BMERB1: variants seen among roughly 807,000 people sequenced by gnomAD.
The protein encoded by BMERB1 is bMERB domain-containing protein 1.
A neutral mutation model predicts 23.6 loss-of-function variants in BMERB1; 12 were observed. The observed-to-expected ratio is 0.51, with a 90% CI of 0.33 to 0.82. BMERB1 has a LOEUF of 0.82. BMERB1 is among the 40% of genes least tolerant of loss of function. BMERB1 has a pLI of 0.03. For synonymous variants in BMERB1, 122 were observed against 96.6 expected, an observed-to-expected ratio of 1.26 and a Z score of -1.54; for missense variants, 247 against 255.4, an observed-to-expected ratio of 0.97 and a Z score of 0.22.
At chr16:15,491,573 A>G (rs547219037) in intron 1 of BMERB1, among the ~76,000 whole-genome samples, 1 of 152,326 alleles carries the variant, frequency 6.6e-6, no homozygotes, top group African/African-American at 2.4e-5. Context: ...TAGGCCGGGC[A>G]TCATGGGGCC....
At chr16:15,554,480 A>T (rs1408882729) in intron 2 of BMERB1, among the ~76,000 whole-genome samples, 2 of 152,028 alleles carry the variant, frequency 1.3e-5, no homozygotes, top group Non-Finnish European at 2.9e-5. Flanking sequence ...GTGAGACCAT[A>T]TTTATGTAAT....
rs953542011 is a variant in BMERB1, at chr16:15,537,799, A to G, written c.230+22371A>G. Among the ~76,000 whole-genome samples the G allele has an allele frequency of 3.3e-5, 5 of 151,926 alleles. No homozygotes were observed. In the East Asian group the frequency reaches 7.7e-4, roughly 23 times the overall value. On this transcript the variant is annotated intron_variant, in intron 2 of 5. Transcript: ENST00000300006. Reference sequence around the variant, plus strand: ...CAGCCCCTTGAGTAGTGGGGACTATAGGCACATGCCACCATGCCTGGCCAA... The same window carrying G: ...CAGCCCCTTGAGTAGTGGGGACTATGGGCACATGCCACCATGCCTGGCCAA...
intron 1 of BMERB1, among the ~76,000 whole-genome samples, chr16:15,443,259 A>G (rs2050956853): frequency 6.6e-6 from 1 of 150,920 alleles, no homozygotes; most frequent in South Asian, 2.1e-4. Flanking sequence ...TGTCTCAAAA[A>G]AAAACACCAC....
At chr16:15,482,884 G>A (rs943323496) in intron 1 of BMERB1, among the ~76,000 whole-genome samples, 2 of 151,966 alleles carry the variant, frequency 1.3e-5, no homozygotes, top group African/African-American at 4.8e-5. Context: ...TAGTGTTTCT[G>A]ACCATTCAGT....
intron 1 of BMERB1, among the ~76,000 whole-genome samples, chr16:15,489,413 G>T (rs1293331791): frequency 1.3e-5 from 2 of 152,076 alleles, no homozygotes; most frequent in African/African-American, 4.8e-5. Context: ...TGGAGAAATT[G>T]CTGTTCCTCC....
chr16:15,568,663 T>A (rs751304782), intron 3 of BMERB1, among the ~76,000 whole-genome samples: 5 of 151,968 alleles, frequency 3.3e-5, no homozygotes, highest in Non-Finnish European at 7.4e-5. Context: ...TAAATTAAAT[T>A]AAATATCATA....
intron 2 of BMERB1, among the ~76,000 whole-genome samples, chr16:15,549,466 G>A (rs1346298574): frequency 6.6e-6 from 1 of 152,046 alleles, no homozygotes; most frequent in Non-Finnish European, 1.5e-5. Flanking sequence ...GGATCACTAG[G>A]TCAAGAGATG....
intron 5 of BMERB1, among the ~76,000 whole-genome samples, 164 bp from the exon 6 acceptor site, chr16:15,586,553 A>G (rs2031148162): frequency 6.6e-6 from 1 of 152,208 alleles, no homozygotes; most frequent in Admixed American, 6.5e-5. Flanking sequence ...TGAGGATCAT[A>G]TGAAATGTGC....
At chr16:15,566,529 C>CA (rs1340513369) in intron 2 of BMERB1, among the ~76,000 whole-genome samples, 7 of 152,288 alleles carry the variant, frequency 4.6e-5, no homozygotes, top group Non-Finnish European at 1.0e-4. Flanking sequence ...TGCAGTGGCT[C>CA]ACGCCTGTAA....
In BMERB1 at chr16:15,434,897, G is replaced by C. The variant is rs997101818; in HGVS notation, c.106+138G>C. The C allele has an allele frequency of 7.1e-6, 5 of 703,422 alleles. No homozygotes were observed. The South Asian group carries it at 9.5e-5, about 13-fold the overall frequency. The allele number at this position is 703,422 out of a possible 1,614,324, so 43.6% of individuals were successfully genotyped here. ...CGCAGCGGGGCTGGCAGCTCAGGGG[G>C]ATACGCAGCTCTGCGCAGCGACGCG... is the stretch of plus-strand genomic sequence containing the variant. On this transcript the variant is annotated intron_variant, in intron 1 of 5. Transcript: ENST00000300006.
intron 1 of BMERB1, among the ~76,000 whole-genome samples, chr16:15,488,498 C>A (rs1442003536): frequency 6.6e-6 from 1 of 151,904 alleles, no homozygotes; most frequent in Non-Finnish European, 1.5e-5. Flanking sequence ...TGCATGTTGA[C>A]CCCCTGCTGC....
At chr16:15,575,620 C>G (rs2030838938) in intron 3 of BMERB1, among the ~76,000 whole-genome samples, 2 of 152,026 alleles carry the variant, frequency 1.3e-5, no homozygotes, top group Non-Finnish European at 2.9e-5. Flanking sequence ...AATGAAGCAA[C>G]AAAAGCAGAA....
At chr16:15,458,910 G>C in intron 1 of BMERB1, among the ~76,000 whole-genome samples, 1 of 152,024 alleles carries the variant, frequency 6.6e-6, no homozygotes, top group East Asian at 1.9e-4. Context: ...TTTGAGACCA[G>C]CCTGGCCAGC....
intron 5 of BMERB1, among the ~76,000 whole-genome samples, chr16:15,585,566 T>G (rs777051942): frequency 6.6e-6 from 1 of 152,108 alleles, no homozygotes; most frequent in Non-Finnish European, 1.5e-5. Flanking sequence ...GCACAGTGGC[T>G]TATGTCTGTA....
chr16:15,505,370 A>G (rs75012249), intron 1 of BMERB1, among the ~76,000 whole-genome samples: 2,115 of 152,302 alleles, frequency 0.014, 57 homozygotes, highest in African/African-American at 0.05. Context: ...ATTTGGTGCT[A>G]GCTTTGTCTT....
intron 2 of BMERB1, among the ~76,000 whole-genome samples, chr16:15,522,334 G>A (rs1163219974): frequency 5.3e-5 from 8 of 152,080 alleles, no homozygotes; most frequent in African/African-American, 1.4e-4. Context: ...CAGTAACTTC[G>A]TTTTATTAAG....
intron 1 of BMERB1, among the ~76,000 whole-genome samples, chr16:15,500,813 G>A (rs1333667944): frequency 6.6e-6 from 1 of 152,056 alleles, no homozygotes; most frequent in Non-Finnish European, 1.5e-5. Context: ...CACCAGACGT[G>A]GCTATTTTCT....
intron 1 of BMERB1, among the ~76,000 whole-genome samples, chr16:15,509,453 A>G (rs1161562844): frequency 6.6e-6 from 1 of 152,180 alleles, no homozygotes; most frequent in Non-Finnish European, 1.5e-5. Flanking sequence ...TCAGTAAAAT[A>G]GAGATTAAAT....
chr16:15,468,622 G>A (rs1302656031), intron 1 of BMERB1, among the ~76,000 whole-genome samples: 1 of 152,102 alleles, frequency 6.6e-6, no homozygotes, highest in Non-Finnish European at 1.5e-5. Flanking sequence ...TGGTTGGGGG[G>A]CCTTAGAATT....
Sources: allele counts gnomAD v4.1 joint callset (sites outside exome capture counted in the v4.1 genomes callset), GRCh38; gene constraint gnomAD v4.1.1; transcripts MANE v1.5; gene names NCBI Gene and HGNC (gene_info 2026-07-23, HGNC 2026-07-21).